The following LRRC4C variants were observed in gnomAD, a reference collection of about 807,000 sequenced individuals.
The protein encoded by LRRC4C is leucine-rich repeat-containing protein 4C.
Under a neutral mutation model 33.6 loss-of-function variants are expected in LRRC4C, and 5 were observed. The observed-to-expected ratio is 0.15, with a 90% CI of 0.08 to 0.31. The LOEUF (loss-of-function observed/expected upper bound fraction) is 0.31. LRRC4C is among the 10% of genes least tolerant of loss of function. The pLI is 1.00. For missense variants in LRRC4C, 560 were observed against 796.7 expected (o/e 0.70, Z 3.58); for synonymous variants, 329 against 302.0 (o/e 1.09, Z -0.93).
intron 5 of LRRC4C, among the ~76,000 whole-genome samples, chr11:40,144,376 T>TA (rs1857577173): frequency 6.6e-6 from 1 of 152,186 alleles, no homozygotes; most frequent in Admixed American, 6.5e-5. Flanking sequence ...TCGAAACACT[T>TA]ACAAATGGCT....
chr11:40,772,260 C>G (rs1320424924), intron 2 of LRRC4C, among the ~76,000 whole-genome samples: 1 of 152,134 alleles, frequency 6.6e-6, no homozygotes, highest in Non-Finnish European at 1.5e-5. Context: ...GGGAATAAGC[C>G]TCTTATAAAT....
intron 3 of LRRC4C, among the ~76,000 whole-genome samples, chr11:40,495,669 C>T (rs1319983437): frequency 1.3e-5 from 2 of 151,884 alleles, no homozygotes; most frequent in Admixed American, 1.3e-4. Context: ...ATTATTGTTG[C>T]TAGTCAGTAC....
At chr11:41,254,729 A>C (rs2136673064) in intron 1 of LRRC4C, among the ~76,000 whole-genome samples, 1 of 152,202 alleles carries the variant, frequency 6.6e-6, no homozygotes, top group South Asian at 2.1e-4. Context: ...TAGAGAAAGC[A>C]CTGAAAATTC....
chr11:40,459,715 T>C (rs1053611038), intron 3 of LRRC4C, among the ~76,000 whole-genome samples: 1 of 151,962 alleles, frequency 6.6e-6, no homozygotes, highest in African/African-American at 2.4e-5. Context: ...CTCACAAAGC[T>C]CTATTTGGGA....
At chr11:40,700,078 G>A (rs1591498775) in intron 2 of LRRC4C, among the ~76,000 whole-genome samples, 1 of 152,128 alleles carries the variant, frequency 6.6e-6, no homozygotes, top group East Asian at 1.9e-4. Flanking sequence ...TAAGGGGAGG[G>A]GGACTTTTGA....
At chr11:41,064,821 C>T (rs1370440561) in intron 1 of LRRC4C, among the ~76,000 whole-genome samples, 3 of 152,290 alleles carry the variant, frequency 2.0e-5, no homozygotes, top group Non-Finnish European at 2.9e-5. Flanking sequence ...TGCACGGAGT[C>T]GGGGGACCTC....
At chr11:41,139,706 C>T (rs1348767806) in intron 1 of LRRC4C, among the ~76,000 whole-genome samples, 2 of 8,034 alleles carry the variant, frequency 2.5e-4, no homozygotes, top group Non-Finnish European at 0.012. Flanking sequence ...TAATACTTTT[C>T]AATTTTTTTT....
rs1565219341 is a variant in LRRC4C, at chr11:40,936,052, ATATATATATATAT to A, written c.-495-2342_-495-2330del. On this transcript the variant is annotated intron_variant, in intron 1 of 6. Coordinates refer to ENST00000528697, the MANE Select transcript of LRRC4C (RefSeq NM_001258419.2). ...TATATATATATATATATATATATAT[ATATATATATATAT>A]AACATAGTTTGAACCTTAACTCTGT... Among the ~76,000 whole-genome samples the A allele has an allele frequency of 8.2e-4, 91 of 110,790 alleles. 3 individuals are homozygous for A. The highest frequency in any genetic ancestry group is 1.2e-3 in the Non-Finnish European group (63 of 51,424). The allele number at this position is 110,790 out of a possible 152,430, so 72.7% of individuals were successfully genotyped here. A position where few individuals can be genotyped will look rare whatever the true frequency, so the allele number is the denominator to read the frequency against.
intron 3 of LRRC4C, among the ~76,000 whole-genome samples, chr11:40,338,805 G>A (rs1299176177): frequency 6.6e-6 from 1 of 151,978 alleles, no homozygotes; most frequent in Admixed American, 6.6e-5. Flanking sequence ...ATAAAATTTG[G>A]GGGAGTCTGG....
chr11:41,020,929 T>C (rs1349795880), intron 1 of LRRC4C, among the ~76,000 whole-genome samples: 2 of 152,134 alleles, frequency 1.3e-5, no homozygotes, highest in Non-Finnish European at 2.9e-5. Context: ...ATCCTACTCA[T>C]CTGTCAAGCC....
At chr11:40,150,446 G>C (rs1858099168) in intron 5 of LRRC4C, among the ~76,000 whole-genome samples, 2 of 152,116 alleles carry the variant, frequency 1.3e-5, no homozygotes, top group Admixed American at 6.5e-5. Context: ...AAATAATATA[G>C]TTTGACTTAG....
intron 1 of LRRC4C, among the ~76,000 whole-genome samples, chr11:41,114,077 C>T (rs1212422700): frequency 2.6e-5 from 4 of 151,674 alleles, no homozygotes; most frequent in African/African-American, 4.8e-5. Context: ...TCTGAACTCT[C>T]GAAAATATAA....
At chr11:40,408,247 T>G (rs1240764282) in intron 3 of LRRC4C, among the ~76,000 whole-genome samples, 1 of 152,008 alleles carries the variant, frequency 6.6e-6, no homozygotes, top group Non-Finnish European at 1.5e-5. Context: ...TCAAATATAA[T>G]TTAATTAACA....
At chr11:40,122,241 C>A (rs1321810243) in intron 6 of LRRC4C, among the ~76,000 whole-genome samples, 1 of 151,960 alleles carries the variant, frequency 6.6e-6, no homozygotes, top group Non-Finnish European at 1.5e-5. Flanking sequence ...ACTTCCAATT[C>A]TTTTTTTTAA....
chr11:40,150,730 C>T (rs1312189980), intron 5 of LRRC4C, among the ~76,000 whole-genome samples: 1 of 152,180 alleles, frequency 6.6e-6, no homozygotes, highest in African/African-American at 2.4e-5. Flanking sequence ...GCATGAGCCA[C>T]CGTGCCCAGC....
At chr11:41,422,997 C>A (rs916067152) in intron 1 of LRRC4C, among the ~76,000 whole-genome samples, 3 of 152,040 alleles carry the variant, frequency 2.0e-5, no homozygotes, top group Admixed American at 6.6e-5. Context: ...TTTCACTTGG[C>A]AGTTCTTAGA....
chr11:41,040,727 C>A (rs888850281), intron 1 of LRRC4C, among the ~76,000 whole-genome samples: 1 of 152,138 alleles, frequency 6.6e-6, no homozygotes, highest in Non-Finnish European at 1.5e-5. Flanking sequence ...CCAATTTATA[C>A]AAAGTATGAC....
intron 2 of LRRC4C, among the ~76,000 whole-genome samples, chr11:40,862,414 T>C (rs1030982643): frequency 2.6e-5 from 4 of 152,188 alleles, no homozygotes; most frequent in African/African-American, 9.6e-5. Flanking sequence ...AAAGAATCAT[T>C]TGTTCAGAAT....
chr11:41,302,569 C>T (rs962537671), intron 1 of LRRC4C, among the ~76,000 whole-genome samples: 1 of 151,788 alleles, frequency 6.6e-6, no homozygotes, highest in African/African-American at 2.4e-5. Flanking sequence ...TAACATTTTC[C>T]GATAAATTGC....
Sources: allele counts gnomAD v4.1 joint callset (sites outside exome capture counted in the v4.1 genomes callset), GRCh38; gene constraint gnomAD v4.1.1; transcripts MANE v1.5; gene names NCBI Gene and HGNC (gene_info 2026-07-23, HGNC 2026-07-21).